The following SPIRE1 variants were observed in gnomAD, a reference collection of about 807,000 sequenced individuals.
SPIRE1 encodes the protein protein spire homolog 1.
Under a neutral mutation model 94.1 loss-of-function variants are expected in SPIRE1, and 40 were observed. The observed-to-expected ratio is 0.43, with a 90% CI of 0.33 to 0.55. SPIRE1 has a LOEUF of 0.55. SPIRE1 is among the 20% of genes least tolerant of loss of function. SPIRE1 has a pLI of 0.06. For synonymous variants in SPIRE1, 376 were observed against 371.7 expected, an observed-to-expected ratio of 1.01 and a Z score of -0.13; for missense variants, 838 against 975.2, an observed-to-expected ratio of 0.86 and a Z score of 1.87.
rs758917478 is a variant in SPIRE1, at chr18:12,449,686, T to G, written c.2223A>C (p.Pro741=). The part of the protein sequence containing the change: ...RKTQSFYMSS[P]GPSEYCPSER... The stretch of plus-strand genomic sequence containing the variant: ...CTGAAGGGCAGTACTCCGAGGGGCC[T>G]GGCGAGGACATGTAGAAAGACTGCG... The change falls in exon 17 of 17, where the codon CCA becomes CCC. Residue 741 remains proline (P), a synonymous_variant. Coordinates refer to ENST00000409402, the MANE Select transcript of SPIRE1 (RefSeq NM_001128626.2). 6.2e-7 allele frequency: 1 copy of G among 1,614,186 alleles called. No homozygotes were observed. The highest frequency in any genetic ancestry group is 1.7e-5 in the Admixed American group (1 of 60,012).
At chr18:12,486,754 A>G (rs1004377399) in intron 8 of SPIRE1, among the ~76,000 whole-genome samples, 1 of 152,240 alleles carries the variant, frequency 6.6e-6, no homozygotes, top group Non-Finnish European at 1.5e-5. Context: ...AAAACTGAAT[A>G]TGGTGGTCCT....
chr18:12,550,343 T>G (rs1227282739), intron 2 of SPIRE1, among the ~76,000 whole-genome samples: 1 of 152,218 alleles, frequency 6.6e-6, no homozygotes, highest in African/African-American at 2.4e-5. Context: ...GATAGAGTCA[T>G]GAAGGTAAGG....
chr18:12,622,421 C>CTTTT (rs71371281), intron 2 of SPIRE1, among the ~76,000 whole-genome samples: 4,179 of 114,810 alleles, frequency 0.036, 273 homozygotes, highest in African/African-American at 0.068. Flanking sequence ...TATGTCCAGT[C>CTTTT]TTTTTTTTTT....
chr18:12,619,484 G>T (rs2037402844), intron 2 of SPIRE1, among the ~76,000 whole-genome samples: 1 of 151,894 alleles, frequency 6.6e-6, no homozygotes, highest in Admixed American at 6.6e-5. Flanking sequence ...CTCCAGCCTG[G>T]GCGATACAGC....
rs138255411 is a variant in SPIRE1, at chr18:12,497,231, G to A, written c.973-1129C>T. Among the ~76,000 whole-genome samples the A allele has an allele frequency of 7.2e-5, 11 of 152,348 alleles. No individual in the cohort carries two copies. The East Asian group carries it at 2.1e-3, about 29-fold the overall frequency. On this transcript the variant is annotated intron_variant, in intron 6 of 16. Coordinates refer to ENST00000409402, the MANE Select transcript of SPIRE1 (RefSeq NM_001128626.2). ...AAAACTTTTAAGTAGAAGAGCTATT[G>A]TGGAGGACCAGTCTGTCTCTGATTC...
At chr18:12,525,436 TTG>T (rs1350615754) in intron 4 of SPIRE1, among the ~76,000 whole-genome samples, 2 of 151,724 alleles carry the variant, frequency 1.3e-5, no homozygotes, top group Non-Finnish European at 2.9e-5. Flanking sequence ...ACAAACCTGC[TTG>T]TGTTATACAT....
At chr18:12,560,866 TAAAC>T (rs1435136315) in intron 2 of SPIRE1, among the ~76,000 whole-genome samples, 1 of 151,938 alleles carries the variant, frequency 6.6e-6, no homozygotes, top group Non-Finnish European at 1.5e-5. Flanking sequence ...AAAACAAAAC[TAAAC>T]AAACAAAACA....
At chr18:12,624,552 A>C (rs2037567409) in intron 2 of SPIRE1, among the ~76,000 whole-genome samples, 3 of 151,136 alleles carry the variant, frequency 2.0e-5, no homozygotes, top group South Asian at 4.2e-4. Context: ...CAAAAAAAAA[A>C]AAAAAAAAAT....
chr18:12,564,590 A>G (rs2035769660), intron 2 of SPIRE1, among the ~76,000 whole-genome samples: 1 of 152,218 alleles, frequency 6.6e-6, no homozygotes, highest in African/African-American at 2.4e-5. Context: ...TACAGATGAG[A>G]GCAGAGGGCA....
intron 4 of SPIRE1, among the ~76,000 whole-genome samples, chr18:12,529,129 G>C (rs967580071): frequency 6.6e-6 from 1 of 152,196 alleles, no homozygotes; most frequent in Non-Finnish European, 1.5e-5. Context: ...CAGCACTTTG[G>C]GAGGCCGAGG....
intron 6 of SPIRE1, among the ~76,000 whole-genome samples, chr18:12,502,447 A>G (rs2033695954): frequency 6.6e-6 from 1 of 152,152 alleles, no homozygotes. Flanking sequence ...GTGCTCCCCC[A>G]ATCAGAAAGG....
intron 7 of SPIRE1, among the ~76,000 whole-genome samples, chr18:12,495,367 GATTT>G (rs1349444756): frequency 6.6e-6 from 1 of 152,160 alleles, no homozygotes; most frequent in African/African-American, 2.4e-5. Flanking sequence ...ACAGCAGGTG[GATTT>G]ATTATAAAAT....
At chr18:12,537,997 T>G (rs1192327437) in intron 3 of SPIRE1, among the ~76,000 whole-genome samples, 1 of 152,122 alleles carries the variant, frequency 6.6e-6, no homozygotes, top group African/African-American at 2.4e-5. Context: ...ATAGAAAGAC[T>G]GATCCTAAAA....
At chr18:12,629,364 A>C (rs1345728432) in intron 2 of SPIRE1, among the ~76,000 whole-genome samples, 1 of 152,236 alleles carries the variant, frequency 6.6e-6, no homozygotes, top group Non-Finnish European at 1.5e-5. Context: ...ATAATCCACA[A>C]AACTATTTAA....
chr18:12,608,220 A>AT (rs2037042570), intron 2 of SPIRE1, among the ~76,000 whole-genome samples: 1 of 151,436 alleles, frequency 6.6e-6, no homozygotes. Context: ...TACCCCAAAA[A>AT]TTTTTTTTTA....
At chr18:12,547,333 G>A (rs1268588121) in intron 2 of SPIRE1, among the ~76,000 whole-genome samples, 1 of 152,094 alleles carries the variant, frequency 6.6e-6, no homozygotes, top group African/African-American at 2.4e-5. Flanking sequence ...TTCAATCACT[G>A]AAAACACATC....
intron 2 of SPIRE1, among the ~76,000 whole-genome samples, chr18:12,585,801 C>G (rs1185029547): frequency 6.6e-6 from 1 of 151,788 alleles, no homozygotes; most frequent in Admixed American, 6.6e-5. Context: ...AATAATAAAC[C>G]CATATACATA....
intron 1 of SPIRE1, among the ~76,000 whole-genome samples, chr18:12,647,300 C>T (rs546117407): frequency 1.3e-5 from 2 of 152,246 alleles, no homozygotes; most frequent in Admixed American, 1.3e-4. Flanking sequence ...CTTTTAGAAA[C>T]ATATTCAACA....
Position 12,549,436 on chromosome 18 carries a change from G to GTTTTTTTTTTTTTTTTT in SPIRE1, c.373-2533_373-2532insAAAAAAAAAAAAAAAAA, listed in dbSNP as rs1345452411. Reference sequence around the variant, plus strand: ...TTGCTTTTTGTTTGTTTTTGTTATTGTTGTTTTTTTTTTTTTTTTTTTTTT... The same window carrying GTTTTTTTTTTTTTTTTT: ...TTGCTTTTTGTTTGTTTTTGTTATTGTTTTTTTTTTTTTTTTTTTGTTTTTTTTTTTTTTTTTTTTTT... On this transcript the variant is annotated intron_variant, in intron 2 of 16. Transcript: ENST00000409402. Among the ~76,000 whole-genome samples the GTTTTTTTTTTTTTTTTT allele has an allele frequency of 6.2e-4, 32 of 51,914 alleles. 1 individual carries two copies. Among genetic ancestry groups the GTTTTTTTTTTTTTTTTT allele is most frequent in the Non-Finnish European group, 9.3e-4 (25 of 26,820 alleles). The allele number at this position is 51,914 out of a possible 152,430, so 34.1% of individuals were successfully genotyped here.
Sources: gnomAD v4.1 joint callset for allele counts (sites outside exome capture counted in the v4.1 genomes callset) on GRCh38, gnomAD v4.1.1 for gene constraint, MANE v1.5 for transcripts, NCBI Gene and HGNC (gene_info 2026-07-23, HGNC 2026-07-21) for gene names.